UTP25: variants seen among roughly 807,000 people sequenced by gnomAD.
UTP25 encodes UTP25 small subunit processome component.
Under a neutral mutation model 78.9 loss-of-function variants are expected in UTP25, and 50 were observed. That is an observed-to-expected ratio of 0.63 (90% CI 0.50 to 0.80). UTP25 has a LOEUF of 0.80. UTP25 is among the 30% of genes least tolerant of loss of function. The probability of loss-of-function intolerance (pLI) is 0.00; values close to 1 mark genes in which losing one functional copy is unlikely to be tolerated. For missense variants in UTP25, 846 were observed against 911.3 expected, an observed-to-expected ratio of 0.93 and a Z score of 0.92; for synonymous variants, 329 against 336.5, an observed-to-expected ratio of 0.98 and a Z score of 0.24.
At position 209,853,191 on chromosome 1, in the gene UTP25, C is replaced by T. The variant is rs918015280; in HGVS notation, c.*1744C>T. The T allele has an allele frequency of 2.6e-5, 4 of 152,002 alleles. No homozygotes were observed. The highest frequency in any genetic ancestry group is 2.1e-4 in the South Asian group (1 of 4,814). 9.4% of individuals were successfully genotyped at this position (152,002 alleles called of 1,614,324 possible). ...TCAGAAAATTTAGTTAGATAAAAGC[C>T]GACCGAACCCATGCTACAAAGAACT... On this transcript the variant is annotated 3_prime_UTR_variant, in exon 12 of 12. Transcript: ENST00000491415.
intron 3 of UTP25, among the ~76,000 whole-genome samples, chr1:209,831,403 A>AAT (rs1408767410): frequency 6.6e-6 from 1 of 152,164 alleles, no homozygotes; most frequent in Non-Finnish European, 1.5e-5. Context: ...GATAGACATA[A>AAT]ATATATATAA....
intron 5 of UTP25, among the ~76,000 whole-genome samples, chr1:209,836,406 C>T (rs916278443): frequency 5.3e-5 from 8 of 152,200 alleles, no homozygotes; most frequent in Admixed American, 5.2e-4. Context: ...CAATCTCCCT[C>T]AGAGGAATTA....
intron 1 of UTP25, among the ~76,000 whole-genome samples, chr1:209,828,473 C>T (rs995024261): frequency 3.3e-5 from 5 of 149,428 alleles, no homozygotes; most frequent in Non-Finnish European, 7.4e-5. Flanking sequence ...GATCTTGGCT[C>T]ACTGCAACCT....
rs1457954765 is a variant in UTP25 at position 209,856,159 on chromosome 1, G to C, written c.*4712G>C. 1 of 152,218 alleles carries C rather than the reference G, an allele frequency of 6.6e-6. No homozygotes were observed. The highest frequency in any genetic ancestry group is 1.5e-5 in the Non-Finnish European group (1 of 68,054). The allele number at this position is 152,218 out of a possible 1,614,324, so 9.4% of individuals were successfully genotyped here. On this transcript the variant is annotated 3_prime_UTR_variant, in exon 12 of 12. Coordinates refer to ENST00000491415, the MANE Select transcript of UTP25 (RefSeq NM_014388.7). ...CACTTCTCAGTTTTCTCATCTTTAT[G>C]AAGTATGGAGTAATCCCCACTAGCC... is the stretch of plus-strand genomic sequence containing the variant.
intron 10 of UTP25, 42 bp downstream of exon 10, chr1:209,842,737 G>A: frequency 1.4e-6 from 2 of 1,474,884 alleles, no homozygotes; most frequent in Admixed American, 3.8e-5. Context: ...ACCACATAGA[G>A]AGATTTGACT....
chr1:209,850,441 C>T (rs1203778154), intron 11 of UTP25, among the ~76,000 whole-genome samples: 7 of 152,214 alleles, frequency 4.6e-5, no homozygotes, highest in Non-Finnish European at 2.9e-5. Flanking sequence ...GGGAGTCTAA[C>T]GTCTTCAGTG....
At chr1:209,848,307 T>A (rs2078209807) in intron 11 of UTP25, among the ~76,000 whole-genome samples, 1 of 152,242 alleles carries the variant, frequency 6.6e-6, no homozygotes, top group Non-Finnish European at 1.5e-5. Context: ...GCACGTAATG[T>A]CACTTTGTCT....
rs1317657878 is a variant in UTP25 at position 209,827,991 on chromosome 1, G to A, written c.-73G>A. On this transcript the variant is annotated 5_prime_UTR_variant, in exon 1 of 12. Coordinates refer to ENST00000491415, the MANE Select transcript of UTP25 (RefSeq NM_014388.7). ...TAAAGCGCAGTCAGCGAGCCCACGT[G>A]CTTGTGTTGACTGGACAACTTCCTG... 5.1e-6 allele frequency: 6 copies of A among 1,185,284 alleles called. No individual in the cohort carries two copies. Among genetic ancestry groups the A allele is most frequent in the Non-Finnish European group, 7.6e-6 (6 of 790,206 alleles). 73.4% of individuals were successfully genotyped at this position (1,185,284 alleles called of 1,614,324 possible).
chr1:209,841,205 A>G, intron 8 of UTP25, 150 bp downstream of exon 8: 1 of 829,352 alleles, frequency 1.2e-6, no homozygotes, highest in Admixed American at 2.7e-5. Flanking sequence ...CTAATTTGAA[A>G]AAGTCTTTTG....
chr1:209,829,183 G>A (rs2078088546), intron 1 of UTP25, among the ~76,000 whole-genome samples: 1 of 152,096 alleles, frequency 6.6e-6, no homozygotes, highest in Admixed American at 6.5e-5. Context: ...ATCAAATCCG[G>A]GTAATTAGCA....
chr1:209,834,871 G>A (rs1408237323), intron 4 of UTP25, among the ~76,000 whole-genome samples: 2 of 152,156 alleles, frequency 1.3e-5, no homozygotes, highest in African/African-American at 4.8e-5. Context: ...TTTTCAAGCT[G>A]GGAAGTAATA....
At chr1:209,835,719 G>A (rs1371863688) in intron 5 of UTP25, among the ~76,000 whole-genome samples, 1 of 152,030 alleles carries the variant, frequency 6.6e-6, no homozygotes, top group Non-Finnish European at 1.5e-5. Flanking sequence ...TTTTTATTGA[G>A]GGAATAATTA....
rs1572012103 is a variant in UTP25 at position 209,854,425 on chromosome 1, C to G, written c.*2978C>G. ...CAAGCTAATCATAGAGAACCAGCAG[C>G]AGCTAAACAGCCCTCTGCTTGCTTC... On this transcript the variant is annotated 3_prime_UTR_variant, in exon 12 of 12. Coordinates refer to ENST00000491415, the MANE Select transcript of UTP25 (RefSeq NM_014388.7). 2 of 152,354 alleles carry G rather than the reference C, an allele frequency of 1.3e-5. No homozygotes were observed. The allele number at this position is 152,354 out of a possible 1,614,324, so 9.4% of individuals were successfully genotyped here.
intron 7 of UTP25, among the ~76,000 whole-genome samples, chr1:209,840,046 G>A (rs990258889): frequency 6.6e-5 from 10 of 152,210 alleles, no homozygotes; most frequent in Admixed American, 5.2e-4. Flanking sequence ...AGGCATCAGG[G>A]TGACTAAGCT....
At chr1:209,832,836 A>T (rs1004272632) in intron 3 of UTP25, among the ~76,000 whole-genome samples, 2 of 152,226 alleles carry the variant, frequency 1.3e-5, no homozygotes, top group African/African-American at 4.8e-5. Context: ...GTGAGCCAAG[A>T]TGACACCACT....
rs1463043463 is a variant in UTP25 at position 209,855,294 on chromosome 1, T to G, written c.*3847T>G. 2.6e-5 allele frequency: 4 copies of G among 152,400 alleles called. 1 individual carries two copies. The East Asian group carries it at 7.7e-4, about 29-fold the overall frequency. 9.4% of individuals were successfully genotyped at this position (152,400 alleles called of 1,614,324 possible). ...TACTTTTGCTTTGTTCCTGTTTCCC[T>G]TCTGTGAGGACCTTCCCCTCCTCAG... On this transcript the variant is annotated 3_prime_UTR_variant, in exon 12 of 12. Coordinates refer to ENST00000491415, the MANE Select transcript of UTP25 (RefSeq NM_014388.7).
chr1:209,828,859 G>A (rs1187613203), intron 1 of UTP25, among the ~76,000 whole-genome samples: 2 of 148,298 alleles, frequency 1.3e-5, no homozygotes, highest in Admixed American at 6.7e-5. Context: ...TGCAACCTCC[G>A]TCTCCCGGGC....
Position 209,839,092 on chromosome 1 carries a change from G to A in UTP25, c.1246G>A (p.Val416Ile), listed in dbSNP as rs41275346. Residue 416 changes from valine to isoleucine, a missense_variant, in exon 7 of 12, where the codon GTA (valine) becomes ATA (isoleucine). Physicochemically the swap from Val to Ile is conservative, Grantham distance 29 (BLOSUM62 3). Transcript: ENST00000491415. ...NLKRPEDYEA[V>I]FVGNIDDHFR... ...GAAGAGGCCTGAGGATTATGAAGCC[G>A]TATTTGTGGGCAATATTGATGACCA... is the stretch of plus-strand genomic sequence containing the variant. 6.2e-4 allele frequency: 993 copies of A among 1,613,458 alleles called. 2 individuals carry two copies. In the East Asian group the frequency reaches 0.016, roughly 25 times the overall value.
At position 209,851,529 on chromosome 1, in the gene UTP25, A is replaced by ATCAGAAGATGCCATTTGTAT; in HGVS notation, c.*82_*83insTCAGAAGATGCCATTTGTAT. The ATCAGAAGATGCCATTTGTAT allele has an allele frequency of 6.7e-7, 1 of 1,485,378 alleles. No individual in the cohort carries two copies. Among genetic ancestry groups the ATCAGAAGATGCCATTTGTAT allele is most frequent in the Non-Finnish European group, 9.0e-7 (1 of 1,108,464 alleles). The allele number at this position is 1,485,378 out of a possible 1,614,324, so 92.0% of individuals were successfully genotyped here. On this transcript the variant is annotated 3_prime_UTR_variant, in exon 12 of 12. Transcript: ENST00000491415. ...CATTTGGACCCAATTCTGATTACTT[A>ATCAGAAGATGCCATTTGTAT]CAGAAGAAGGACTGATACAAAGAAA...
Sources: allele counts gnomAD v4.1 joint callset (sites outside exome capture counted in the v4.1 genomes callset), GRCh38; gene constraint gnomAD v4.1.1; transcripts MANE v1.5; gene names NCBI Gene and HGNC (gene_info 2026-07-23, HGNC 2026-07-21).